The following SHISA9 variants were observed in gnomAD, a reference collection of about 807,000 sequenced individuals.
The protein encoded by SHISA9 is shisa family member 9, also known as protein shisa-9.
In SHISA9, 13 loss-of-function variants were observed where a neutral mutation model predicts 38.0. The observed-to-expected ratio is 0.34, with a 90% CI of 0.22 to 0.54. The LOEUF (loss-of-function observed/expected upper bound fraction) is 0.54, where lower values mean the gene tolerates loss of function less well. Among genes scored for constraint, SHISA9 ranks in the 20% least tolerant of loss-of-function variants. The pLI, the probability that SHISA9 is intolerant of heterozygous loss-of-function variation, is 0.91. For synonymous variants in SHISA9, 275 were observed against 242.0 expected, an observed-to-expected ratio of 1.14 and a Z score of -1.27; for missense variants, 538 against 575.8, an observed-to-expected ratio of 0.93 and a Z score of 0.67.
At chr16:12,949,777 T>C (rs1297928932) in intron 2 of SHISA9, among the ~76,000 whole-genome samples, 4 of 152,244 alleles carry the variant, frequency 2.6e-5, no homozygotes. Flanking sequence ...GTACTTATGA[T>C]ATTTCAGTAC....
chr16:13,365,257 C>A, the SHISA9 span, among the ~76,000 whole-genome samples: 1 of 152,090 alleles, frequency 6.6e-6, no homozygotes, highest in Admixed American at 6.6e-5. Context: ...GGCTTCAAGT[C>A]CAGGAAAGCT....
the SHISA9 span, among the ~76,000 whole-genome samples, chr16:13,342,589 C>CT: frequency 6.6e-6 from 1 of 152,282 alleles, no homozygotes; most frequent in South Asian, 2.1e-4. Flanking sequence ...TCCGGCTCAA[C>CT]TTATTCCTTT....
At chr16:13,206,639 T>C (rs997621462) in intron 3 of SHISA9, among the ~76,000 whole-genome samples, 3 of 152,226 alleles carry the variant, frequency 2.0e-5, no homozygotes, top group Admixed American at 6.5e-5. Context: ...ATTCAAATAG[T>C]GACTGAGCCA....
the SHISA9 span, among the ~76,000 whole-genome samples, chr16:13,276,669 G>T: frequency 1.3e-5 from 2 of 152,036 alleles, no homozygotes; most frequent in African/African-American, 4.8e-5. Flanking sequence ...GATCATTAGT[G>T]ATTTTGAACA....
At chr16:13,457,900 A>G in the SHISA9 span, among the ~76,000 whole-genome samples, 1 of 152,176 alleles carries the variant, frequency 6.6e-6, no homozygotes. Context: ...TAATTCTTCC[A>G]AAGTAAAATA....
the SHISA9 span, among the ~76,000 whole-genome samples, chr16:13,398,323 A>T: frequency 6.6e-6 from 1 of 152,258 alleles, no homozygotes; most frequent in African/African-American, 2.4e-5. Context: ...CTTCTGTATC[A>T]GTAAGCTGTT....
the SHISA9 span, among the ~76,000 whole-genome samples, chr16:13,417,295 AT>A: frequency 6.6e-6 from 1 of 152,202 alleles, no homozygotes; most frequent in Non-Finnish European, 1.5e-5. Context: ...ACTCGAGGGA[AT>A]TTAGAAGTGG....
At chr16:12,987,050 AG>A (rs1405641899) in intron 2 of SHISA9, among the ~76,000 whole-genome samples, 1 of 152,194 alleles carries the variant, frequency 6.6e-6, no homozygotes, top group Non-Finnish European at 1.5e-5. Context: ...CAATATTCCC[AG>A]TATCTGCCGA....
At chr16:13,085,635 A>G (rs1409217955) in intron 2 of SHISA9, among the ~76,000 whole-genome samples, 3 of 152,210 alleles carry the variant, frequency 2.0e-5, no homozygotes, top group African/African-American at 7.2e-5. Context: ...GGTCAAGTCT[A>G]CGTTATGTGT....
At chr16:13,382,096 T>C in the SHISA9 span, among the ~76,000 whole-genome samples, 968 of 152,338 alleles carry the variant, frequency 6.4e-3, 13 homozygotes, top group African/African-American at 0.022. Flanking sequence ...TTTTAAATTT[T>C]GGAAGTGTAT....
At chr16:13,312,955 G>A in the SHISA9 span, among the ~76,000 whole-genome samples, 8 of 152,042 alleles carry the variant, frequency 5.3e-5, no homozygotes, top group African/African-American at 1.9e-4. Flanking sequence ...CTTACAAAAT[G>A]TTAAATAAAA....
intron 2 of SHISA9, among the ~76,000 whole-genome samples, chr16:13,040,119 G>A (rs574730708): frequency 6.6e-5 from 10 of 152,196 alleles, no homozygotes; most frequent in Middle Eastern, 3.4e-3. Context: ...TTCTCTACAC[G>A]AGAGCCAGAA....
Position 13,239,235 on chromosome 16 carries a change from C to T in SHISA9, c.*3826C>T, listed in dbSNP as rs1174766760. 3 of 151,802 alleles carry T rather than the reference C, an allele frequency of 2.0e-5. No individual in the cohort carries two copies. The highest frequency in any genetic ancestry group is 4.8e-5 in the African/African-American group (2 of 41,256). The allele number at this position is 151,802 out of a possible 1,614,324, so 9.4% of individuals were successfully genotyped here. On this transcript the variant is annotated 3_prime_UTR_variant, in exon 5 of 5. Coordinates refer to ENST00000558583, the MANE Select transcript of SHISA9 (RefSeq NM_001145204.3). ...CCACATTTTCTTAATCCAGTCTATC[C>T]TTGTTGGACTTTTGGGTTGGTTCCA... is the stretch of plus-strand genomic sequence containing the variant.
At chr16:12,986,865 C>T (rs1481275637) in intron 2 of SHISA9, among the ~76,000 whole-genome samples, 7 of 152,354 alleles carry the variant, frequency 4.6e-5, no homozygotes, top group Admixed American at 2.0e-4. Flanking sequence ...ATGTGGTTTG[C>T]AAGATCTGGA....
chr16:12,911,280 CT>C, intron 1 of SHISA9: 1 of 985,422 alleles, frequency 1.0e-6, no homozygotes, highest in African/African-American at 1.7e-5. Flanking sequence ...AGCACTCAAA[CT>C]ATGTGCCGCA....
intron 2 of SHISA9, among the ~76,000 whole-genome samples, chr16:13,155,840 C>T (rs1478307670): frequency 1.3e-5 from 2 of 150,620 alleles, no homozygotes; most frequent in Non-Finnish European, 3.0e-5. Context: ...TGTATAGTAA[C>T]AAGAGGATTT....
chr16:13,165,094 G>A (rs576287568), intron 2 of SHISA9, among the ~76,000 whole-genome samples: 1 of 152,190 alleles, frequency 6.6e-6, no homozygotes, highest in South Asian at 2.1e-4. Flanking sequence ...CTTGTGGTTT[G>A]TTAGCCTTCT....
At chr16:13,270,914 T>G in the SHISA9 span, among the ~76,000 whole-genome samples, 3 of 152,158 alleles carry the variant, frequency 2.0e-5, no homozygotes, top group African/African-American at 4.8e-5. Context: ...TAAGAAGAGA[T>G]AAATTTTGAG....
chr16:13,122,908 G>A (rs1262141590), intron 2 of SHISA9, among the ~76,000 whole-genome samples: 4 of 152,160 alleles, frequency 2.6e-5, no homozygotes, highest in East Asian at 1.9e-4. Flanking sequence ...TTAGCCAGGT[G>A]TGGTGGCAGG....
Sources: allele counts gnomAD v4.1 joint callset (sites outside exome capture counted in the v4.1 genomes callset), GRCh38; gene constraint gnomAD v4.1.1; transcripts MANE v1.5; gene names NCBI Gene and HGNC (gene_info 2026-07-23, HGNC 2026-07-21).